PPP1R7: variants seen among roughly 807,000 people sequenced by gnomAD.
PPP1R7 encodes the protein protein phosphatase 1 regulatory subunit 22.
A neutral mutation model predicts 45.2 loss-of-function variants in PPP1R7; 18 were observed. That is an observed-to-expected ratio of 0.40 (90% confidence interval 0.28 to 0.59). The LOEUF (loss-of-function observed/expected upper bound fraction) is 0.59. Ranked by LOEUF, PPP1R7 falls within the 20% of genes least tolerant of loss-of-function variation. The pLI is 0.46. For missense variants in PPP1R7, 314 were observed against 455.8 expected (o/e 0.69, Z 2.83); for synonymous variants, 181 against 183.4 (o/e 0.99, Z 0.11).
rs191748660 is a variant in PPP1R7 at position 241,154,564 on chromosome 2, G to A, written c.181+960G>A. On this transcript the variant is annotated intron_variant, in intron 2 of 9. Coordinates refer to ENST00000234038, the MANE Select transcript of PPP1R7 (RefSeq NM_002712.3). ...AAAGAAAAAAAGAAAAATTAGCCAG[G>A]CATGGTGGTGTGCACCTGTAGTCCC... Among the ~76,000 whole-genome samples the A allele has an allele frequency of 3.0e-3, 462 of 152,212 alleles. 2 individuals are homozygous for A. The highest frequency in any genetic ancestry group is 0.01 in the African/African-American group (429 of 41,528).
upstream of PPP1R7, chr2:241,150,177 A>T: frequency 7.9e-7 from 1 of 1,269,086 alleles, no homozygotes; most frequent in South Asian, 2.4e-5. Context: ...GCGTCTCTCC[A>T]CTCTGCCTAG....
At chr2:241,164,161 C>T (rs2067656828) in intron 7 of PPP1R7, among the ~76,000 whole-genome samples, 1 of 152,134 alleles carries the variant, frequency 6.6e-6, no homozygotes. Flanking sequence ...AAGCAAACCT[C>T]CTGCCTTGGC....
chr2:241,149,596 C>A, upstream of PPP1R7: 1 of 1,497,186 alleles, frequency 6.7e-7, no homozygotes, highest in Non-Finnish European at 9.0e-7. Context: ...CTAAGGGTTG[C>A]TAGGGACGCA....
chr2:241,163,924 T>C (rs532908906), intron 7 of PPP1R7, among the ~76,000 whole-genome samples: 2 of 152,056 alleles, frequency 1.3e-5, no homozygotes, highest in East Asian at 3.9e-4. Flanking sequence ...CTTTCTTTTT[T>C]TTTTAAGAGA....
rs374063512 is a variant in PPP1R7 at position 241,163,267 on chromosome 2, G to C, written c.598-18G>C. On this transcript the variant is annotated intron_variant, in intron 6 of 9. Transcript: ENST00000234038. ...CCTGTCAACTGCAGTACTCATTGCT[G>C]TTCTGTCCTTTCCACAGGCAATCGA... 2.4e-5 allele frequency: 37 copies of C among 1,568,576 alleles called. No individual in the cohort carries two copies. The African/African-American group carries it at 4.5e-4, about 19-fold the overall frequency.
chr2:241,161,449 G>T (rs1485339782), intron 6 of PPP1R7, among the ~76,000 whole-genome samples: 1 of 151,810 alleles, frequency 6.6e-6, no homozygotes, highest in Non-Finnish European at 1.5e-5. Context: ...GTGGTCACTT[G>T]GAGTGAACTG....
upstream of PPP1R7, chr2:241,149,665 G>T (rs1226029533): frequency 1.3e-6 from 2 of 1,545,176 alleles, no homozygotes; most frequent in South Asian, 2.4e-5. Flanking sequence ...CTCCGCCCCC[G>T]GGCCGGGCAG....
At chr2:241,162,510 C>G (rs1048402939) in intron 6 of PPP1R7, among the ~76,000 whole-genome samples, 1 of 152,042 alleles carries the variant, frequency 6.6e-6, no homozygotes, top group Admixed American at 6.5e-5. Context: ...AATAGAGGAG[C>G]ACACGATCAC....
chr2:241,150,432 C>T (rs114714733), upstream of PPP1R7: 5,394 of 1,357,806 alleles, frequency 4.0e-3, 162 homozygotes, highest in African/African-American at 0.064. Flanking sequence ...GGCTCTGAGG[C>T]GGGAGCCCTG....
chr2:241,170,467 G>T (rs902101614), intron 9 of PPP1R7, among the ~76,000 whole-genome samples: 38 of 152,226 alleles, frequency 2.5e-4, no homozygotes, highest in Non-Finnish European at 7.3e-5. Context: ...TGATCCCCGA[G>T]TGGAAGTCTT....
At chr2:241,173,132 C>T (rs1222426912) in intron 9 of PPP1R7, among the ~76,000 whole-genome samples, 4 of 151,702 alleles carry the variant, frequency 2.6e-5, no homozygotes, top group African/African-American at 9.7e-5. Context: ...ATTAGCTGGG[C>T]GTGGTGGCAC....
At chr2:241,180,402 A>AAAT (rs1172060335) in intron 9 of PPP1R7, among the ~76,000 whole-genome samples, 1 of 151,652 alleles carries the variant, frequency 6.6e-6, no homozygotes, top group African/African-American at 2.4e-5. Context: ...AAAAAAAAAA[A>AAAT]AAAAAAAAGT....
At chr2:241,156,736 A>C (rs181963035) in intron 2 of PPP1R7, among the ~76,000 whole-genome samples, 4 of 152,364 alleles carry the variant, frequency 2.6e-5, no homozygotes, top group South Asian at 2.1e-4. Context: ...CACAATATAC[A>C]GCCTTATTTG....
chr2:241,153,469 G>C lies in PPP1R7; in HGVS notation c.53-7G>C. ...ATGTGAATTCTCATTGACATGTGTG[G>C]GTTCAGTTGACAGGCGGGTCGAGTC... On this transcript the variant is annotated splice_polypyrimidine_tract_variant and splice_region_variant and intron_variant, in intron 1 of 9. Coordinates refer to ENST00000234038, the MANE Select transcript of PPP1R7 (RefSeq NM_002712.3). 1 of 1,614,186 alleles carries C rather than the reference G, an allele frequency of 6.2e-7. No homozygotes were observed. The highest frequency in any genetic ancestry group is 8.5e-7 in the Non-Finnish European group (1 of 1,180,012).
At chr2:241,167,992 G>A (rs2067749532) in intron 8 of PPP1R7, among the ~76,000 whole-genome samples, 1 of 152,206 alleles carries the variant, frequency 6.6e-6, no homozygotes, top group African/African-American at 2.4e-5. Flanking sequence ...CACGACTCCT[G>A]TCTTGTTCTT....
intron 9 of PPP1R7, among the ~76,000 whole-genome samples, chr2:241,180,388 TAAAAAAAAAAAAAAA>T (rs58267372): frequency 1.3e-4 from 13 of 100,002 alleles, no homozygotes; most frequent in African/African-American, 6.4e-4. Flanking sequence ...GCTGGTGAGC[TAAAAAAAAAAAAAAA>T]AAAAAAAGTG....
chr2:241,157,045 G>A (rs893784719), intron 2 of PPP1R7, among the ~76,000 whole-genome samples: 10 of 152,096 alleles, frequency 6.6e-5, no homozygotes, highest in African/African-American at 1.9e-4. Context: ...ATGAAATGAG[G>A]AAGTGCTTAA....
chr2:241,150,488 C>G lies in PPP1R7; in HGVS notation c.-8C>G. ...CGACAGATTCCGGAAAGGGGAAGAG[C>G]AGCCAACATGGCGGCGGAACGCGGC... is the stretch of plus-strand genomic sequence containing the variant. On this transcript the variant is annotated 5_prime_UTR_variant, in exon 1 of 10. Transcript: ENST00000234038. The G allele has an allele frequency of 6.3e-7, 1 of 1,596,626 alleles. No homozygotes were observed. The highest frequency in any genetic ancestry group is 8.5e-7 in the Non-Finnish European group (1 of 1,172,770).
chr2:241,149,826 G>A (rs2067200475), upstream of PPP1R7: 9 of 1,514,362 alleles, frequency 5.9e-6, no homozygotes, highest in African/African-American at 2.8e-5. Context: ...CGTCCGCACT[G>A]GGCTGGGAAC....
Sources: gnomAD v4.1 joint callset for allele counts (sites outside exome capture counted in the v4.1 genomes callset) on GRCh38, gnomAD v4.1.1 for gene constraint, MANE v1.5 for transcripts, NCBI Gene and HGNC (gene_info 2026-07-23, HGNC 2026-07-21) for gene names.